Variants in ADGRG4 observed in about 807,000 individuals in gnomAD.
ADGRG4 encodes adhesion G protein-coupled receptor G4.
A neutral mutation model predicts 126.2 loss-of-function variants in ADGRG4; 122 were observed. The ratio of observed to expected loss-of-function variants is 0.97; its 90% CI spans 0.83 to 1.12. The LOEUF is 1.12. ADGRG4 is among the 50% of genes most tolerant of loss of function. The pLI is 0.00. For missense variants in ADGRG4, 2,481 were observed against 2,251.8 expected, an observed-to-expected ratio of 1.10 and a Z score of -2.06; for synonymous variants, 943 against 838.7, an observed-to-expected ratio of 1.12 and a Z score of -2.15.
intron 15 of ADGRG4, among the ~76,000 whole-genome samples, chrX:136,373,376 A>G (rs750592356): frequency 5.4e-5 from 6 of 111,516 alleles, no homozygotes; most frequent in Non-Finnish European, 9.4e-5. Context: ...CCTCCTTTGT[A>G]CAGATAAGGA....
intron 14 of ADGRG4, 79 bp downstream of exon 14, chrX:136,371,623 T>C: frequency 3.7e-6 from 2 of 539,868 alleles, no homozygotes; most frequent in Middle Eastern, 1.2e-3. Context: ...CTGTGCATTC[T>C]GCATTTGTCA....
intron 3 of ADGRG4, 144 bp from the exon 4 acceptor site, chrX:136,308,625 C>T: frequency 2.1e-6 from 1 of 487,314 alleles, no homozygotes; most frequent in Non-Finnish European, 3.6e-6. Flanking sequence ...TGGTAAATGC[C>T]TATCATGTGG....
At chrX:136,407,387 C>T (rs2075419901) in intron 23 of ADGRG4, among the ~76,000 whole-genome samples, 1 of 109,636 alleles carries the variant, frequency 9.1e-6, no homozygotes, top group Admixed American at 9.7e-5. Context: ...GTCTTAAAAA[C>T]CTCTGAACCT....
In ADGRG4 at chrX:136,348,890, T is replaced by C. The variant is rs777328482; in HGVS notation, c.5184T>C (p.Thr1728=). The stretch of plus-strand genomic sequence containing the variant: ...GGATTACTAACAGGTCCCTATCTAC[T>C]GTGAACAGTGGTACAGGGGTAGCTC... ...LSGITNRSLS[T]VNSGTGVALT... is the part of the protein sequence containing the mutation. Residue 1728 remains threonine (T), a synonymous_variant, in exon 6 of 26, where the codon ACT becomes ACC. Transcript: ENST00000394143. 4 of 1,203,047 alleles carry C rather than the reference T, an allele frequency of 3.3e-6. No individual in the cohort carries two copies. The highest frequency in any genetic ancestry group is 4.5e-6 in the Non-Finnish European group (4 of 890,396).
At position 136,351,492 on chromosome X, in the gene ADGRG4, A is replaced by G; in HGVS notation, c.6773A>G (p.Glu2258Gly). The change falls in exon 7 of 26, where the codon GAG (glutamate) becomes GGG (glycine). Residue 2258 changes from glutamate to glycine, a missense_variant. Transcript: ENST00000394143. ...VEMSFSVFVE[E>G]PRIPITSVIN... ...ATGAGCTTCTCTGTCTTTGTTGAAG[A>G]GCCAAGGATCCCTATTACCAGTGTT... 8.5e-7 allele frequency: 1 copy of G among 1,172,211 alleles called. No individual in the cohort carries two copies. Among genetic ancestry groups the G allele is most frequent in the East Asian group, 3.0e-5 (1 of 32,904 alleles).
intron 5 of ADGRG4, among the ~76,000 whole-genome samples, chrX:136,338,763 C>T (rs756296635): frequency 1.8e-5 from 2 of 111,790 alleles, no homozygotes; most frequent in African/African-American, 6.5e-5. Context: ...CTAAATATGA[C>T]AGGTAATTTA....
At chrX:136,359,527 T>A in intron 11 of ADGRG4, 72 bp downstream of exon 11, 1 of 802,819 alleles carries the variant, frequency 1.2e-6, no homozygotes, top group African/African-American at 2.1e-5. Context: ...AATGCATACT[T>A]GGTTAAGGAT....
intron 4 of ADGRG4, among the ~76,000 whole-genome samples, chrX:136,314,978 T>C (rs1402928440): frequency 8.9e-6 from 1 of 111,885 alleles, no homozygotes; most frequent in Non-Finnish European, 1.9e-5. Context: ...AATTCCTCTG[T>C]CTCCTATGCC....
chrX:136,323,869 A>G (rs1263145806), intron 5 of ADGRG4, among the ~76,000 whole-genome samples: 1 of 111,837 alleles, frequency 8.9e-6, no homozygotes, highest in African/African-American at 3.2e-5. Context: ...AGGATCACAC[A>G]TTACATTTAG....
At chrX:136,309,763 G>A (rs950414456) in intron 4 of ADGRG4, among the ~76,000 whole-genome samples, 1 of 111,506 alleles carries the variant, frequency 9.0e-6, no homozygotes. Context: ...CACCTGGCCT[G>A]GCCTACCTGC....
At chrX:136,318,041 G>GT (rs2074816351) in intron 4 of ADGRG4, among the ~76,000 whole-genome samples, 1 of 112,035 alleles carries the variant, frequency 8.9e-6, no homozygotes, top group African/African-American at 3.2e-5. Context: ...CTACTCTTAC[G>GT]TTTATACCCC....
At chrX:136,383,739 G>T (rs774418514) in intron 15 of ADGRG4, among the ~76,000 whole-genome samples, 58 of 109,674 alleles carry the variant, frequency 5.3e-4, no homozygotes, top group African/African-American at 1.9e-3. Context: ...CTTTCCTGTT[G>T]TCTCTTGCTT....
chrX:136,346,473 T>A lies in ADGRG4; in HGVS notation c.2767T>A (p.Ser923Thr), dbSNP rs2075018074. 8.3e-7 allele frequency: 1 copy of A among 1,210,799 alleles called. No individual in the cohort carries two copies. Among genetic ancestry groups the A allele is most frequent in the Admixed American group, 2.2e-5 (1 of 45,992 alleles). ...ATTGGTGAAAACCACACCTAGGAGT[T>A]CATACAATGAAATGACAGAAATGTT... is the stretch of plus-strand genomic sequence containing the variant. ...TKLVKTTPRSSYNEMTEMFNF... is the reference protein window; with the variant it reads ...TKLVKTTPRSTYNEMTEMFNF... The change falls in exon 6 of 26, where the codon TCA (serine) becomes ACA (threonine). Residue 923 changes from serine to threonine, a missense_variant. Coordinates refer to ENST00000394143, the MANE Select transcript of ADGRG4 (RefSeq NM_153834.4).
intron 4 of ADGRG4, among the ~76,000 whole-genome samples, chrX:136,316,506 C>G (rs189406659): frequency 5.4e-5 from 6 of 111,503 alleles, no homozygotes; most frequent in East Asian, 2.8e-4. Context: ...TTGCTCTTGT[C>G]GCCCAGGCTG....
chrX:136,316,641 T>A (rs1175080734), intron 4 of ADGRG4, among the ~76,000 whole-genome samples: 1 of 110,952 alleles, frequency 9.0e-6, no homozygotes, highest in African/African-American at 3.3e-5. Flanking sequence ...CTAATTTTTT[T>A]ATTTTTAGTA....
At position 136,348,410 on chromosome X, in the gene ADGRG4, T is replaced by A. The variant is rs1232812240; in HGVS notation, c.4704T>A (p.Asn1568Lys). 1 of 1,207,571 alleles carries A rather than the reference T, an allele frequency of 8.3e-7. No individual in the cohort carries two copies. The highest frequency in any genetic ancestry group is 1.1e-6 in the Non-Finnish European group (1 of 893,186). The stretch of plus-strand genomic sequence containing the variant: ...CTGAGATGTCCTCAATACCAGTTAA[T>A]AACTCTGCTTTCACACCTGCAACAG... ...PMSEMSSIPVNNSAFTPATVS... is the reference protein window; with the variant it reads ...PMSEMSSIPVKNSAFTPATVS... The change falls in exon 6 of 26, where the codon AAT becomes AAA. Residue 1568 changes from asparagine (N) to lysine (K), a missense_variant. By Grantham distance (94) the Asn-to-Lys change is moderately conservative. Coordinates refer to ENST00000394143, the MANE Select transcript of ADGRG4 (RefSeq NM_153834.4).
chrX:136,370,606 T>C (rs1356404501), intron 13 of ADGRG4, among the ~76,000 whole-genome samples: 1 of 112,163 alleles, frequency 8.9e-6, no homozygotes, highest in Non-Finnish European at 1.9e-5. Context: ...TATTTATGGA[T>C]AAAATGATAT....
rs1454825214 is a variant in ADGRG4, at chrX:136,400,069, A to G, written c.8528A>G (p.Asn2843Ser). 1 of 1,202,874 alleles carries G rather than the reference A, an allele frequency of 8.3e-7. No individual in the cohort carries two copies. Among genetic ancestry groups the G allele is most frequent in the African/African-American group, 1.7e-5 (1 of 57,169 alleles). Residue 2843 changes from asparagine (N) to serine (S), a missense_variant, in exon 21 of 26, where the codon AAC (asparagine) becomes AGC (serine). Asn to Ser is a conservative substitution (Grantham distance 46, BLOSUM62 1). Transcript: ENST00000394143. Reference protein sequence around the residue: ...HMYLALVKVFNIYIPNYILKF... With the variant: ...HMYLALVKVFSIYIPNYILKF... Reference sequence around the variant, plus strand: ...TATTTGGCTCTAGTCAAAGTCTTCAACATATACATTCCAAATTATATCCTT... The same window carrying G: ...TATTTGGCTCTAGTCAAAGTCTTCAGCATATACATTCCAAATTATATCCTT...
chrX:136,340,898 A>G (rs1462718836), intron 5 of ADGRG4, among the ~76,000 whole-genome samples: 1 of 111,902 alleles, frequency 8.9e-6, no homozygotes, highest in East Asian at 2.8e-4. Context: ...CAGACTTTAG[A>G]GGAAAAATTT....
Sources: allele counts gnomAD v4.1 joint callset (sites outside exome capture counted in the v4.1 genomes callset), GRCh38; gene constraint gnomAD v4.1.1; transcripts MANE v1.5; gene names NCBI Gene and HGNC (gene_info 2026-07-23, HGNC 2026-07-21).